The following GADL1 variants were observed in gnomAD, a reference collection of about 807,000 sequenced individuals.
The protein encoded by GADL1 is GAD like acidic amino acid decarboxylase 1, also known as acidic amino acid decarboxylase GADL1.
A neutral mutation model predicts 69.5 loss-of-function variants in GADL1; 71 were observed. The observed-to-expected ratio is 1.02, with a 90% CI of 0.84 to 1.25. GADL1 has a LOEUF of 1.25. GADL1 is among the 50% of genes most tolerant of loss of function. The pLI, the probability that GADL1 is intolerant of heterozygous loss-of-function variation, is 0.00. For missense variants in GADL1, 737 were observed against 631.8 expected, an observed-to-expected ratio of 1.17 and a Z score of -1.79; for synonymous variants, 254 against 214.4, an observed-to-expected ratio of 1.18 and a Z score of -1.62.
intron 11 of GADL1, among the ~76,000 whole-genome samples, chr3:30,813,924 C>T (rs1238823100): frequency 1.3e-5 from 2 of 152,082 alleles, no homozygotes; most frequent in Admixed American, 6.5e-5. Flanking sequence ...TGCAGAAATG[C>T]GCTGAAATGA....
At chr3:30,818,960 C>T (rs539715502) in intron 11 of GADL1, among the ~76,000 whole-genome samples, 1 of 152,162 alleles carries the variant, frequency 6.6e-6, no homozygotes, top group South Asian at 2.1e-4. Context: ...TGTTCATGTT[C>T]AGTCAGTTTT....
In GADL1 at chr3:30,850,947, T is replaced by C. The variant is rs1009405823; in HGVS notation, c.429-6A>G. On this transcript the variant is annotated splice_region_variant and splice_polypyrimidine_tract_variant and intron_variant, in intron 4 of 14. Coordinates refer to ENST00000282538, the MANE Select transcript of GADL1 (RefSeq NM_207359.3). ...GGGACACCTCATACGTATAACTAGA[T>C]AGATATAAAAAACACTTCACTTCTA... The C allele has an allele frequency of 4.7e-6, 7 of 1,484,252 alleles. No homozygotes were observed. Among genetic ancestry groups the C allele is most frequent in the Admixed American group, 4.0e-5 (2 of 50,304 alleles). 91.9% of individuals were successfully genotyped at this position (1,484,252 alleles called of 1,614,324 possible). A position where few individuals can be genotyped will look rare whatever the true frequency, so the allele number is the denominator to read the frequency against.
At chr3:30,818,748 T>A (rs1697519040) in intron 11 of GADL1, among the ~76,000 whole-genome samples, 1 of 152,200 alleles carries the variant, frequency 6.6e-6, no homozygotes, top group Non-Finnish European at 1.5e-5. Flanking sequence ...TTACTGAATC[T>A]GGCAACCCTA....
chr3:30,844,956 T>TTA (rs1256032059), intron 6 of GADL1, among the ~76,000 whole-genome samples: 52 of 152,182 alleles, frequency 3.4e-4, no homozygotes, highest in African/African-American at 1.2e-3. Context: ...AGTCCACTGC[T>TTA]GACTTGAAAC....
chr3:30,766,408 T>C (rs1431046082), intron 14 of GADL1, among the ~76,000 whole-genome samples: 1 of 152,112 alleles, frequency 6.6e-6, no homozygotes, highest in Non-Finnish European at 1.5e-5. Context: ...ATCTTGAAAT[T>C]TTTAGTAGTT....
chr3:30,748,013 C>G (rs1399747201), intron 14 of GADL1, among the ~76,000 whole-genome samples: 1 of 152,176 alleles, frequency 6.6e-6, no homozygotes, highest in East Asian at 1.9e-4. Context: ...TTTACAAGTA[C>G]AGCCTACAAA....
chr3:30,735,701 C>T (rs115478213), intron 14 of GADL1, among the ~76,000 whole-genome samples: 217 of 152,170 alleles, frequency 1.4e-3, no homozygotes, highest in African/African-American at 4.8e-3. Flanking sequence ...TGTGTCATGG[C>T]GGTGGGTATA....
At chr3:30,817,589 C>T (rs1205487722) in intron 11 of GADL1, among the ~76,000 whole-genome samples, 3 of 152,106 alleles carry the variant, frequency 2.0e-5, no homozygotes, top group Non-Finnish European at 4.4e-5. Flanking sequence ...ACAATCTTTT[C>T]CTTATTACAT....
At chr3:30,856,887 T>C (rs1394567086) in intron 3 of GADL1, 128 bp downstream of exon 3, 4 of 725,666 alleles carry the variant, frequency 5.5e-6, no homozygotes, top group Non-Finnish European at 8.8e-6. Flanking sequence ...TGCAAAAACA[T>C]CAGAACTACT....
chr3:30,770,246 T>C (rs535591427), intron 14 of GADL1, among the ~76,000 whole-genome samples: 2 of 152,322 alleles, frequency 1.3e-5, no homozygotes, highest in South Asian at 4.1e-4. Flanking sequence ...GTAAACCAAA[T>C]AAAATCAGAG....
intron 14 of GADL1, among the ~76,000 whole-genome samples, chr3:30,772,154 A>G (rs1696431923): frequency 7.2e-6 from 1 of 139,184 alleles, no homozygotes; most frequent in South Asian, 2.2e-4. Context: ...ATCACCAAAC[A>G]ATAAAACAAA....
intron 12 of GADL1, among the ~76,000 whole-genome samples, chr3:30,792,729 C>T (rs1696949857): frequency 6.6e-6 from 1 of 152,146 alleles, no homozygotes; most frequent in Non-Finnish European, 1.5e-5. Context: ...GCTACAGCTC[C>T]ATATGTCCCA....
intron 11 of GADL1, among the ~76,000 whole-genome samples, chr3:30,811,800 G>GT (rs11326910): frequency 1.4e-4 from 22 of 151,940 alleles, no homozygotes; most frequent in Non-Finnish European, 2.1e-4. Context: ...GAATCATATG[G>GT]TTTTTTTTCC....
rs775330618 is a variant in GADL1, at chr3:30,767,488, TAA to T, written c.1392+10689_1392+10690del. Among the ~76,000 whole-genome samples, 10 of 152,234 alleles carry T rather than the reference TAA, an allele frequency of 6.6e-5. No individual in the cohort carries two copies. In the Middle Eastern group the frequency reaches 0.014, roughly 207 times the overall value. The stretch of plus-strand genomic sequence containing the variant: ...AAAATTGTAACATAAGACCCCATAA[TAA>T]AGTGTTAGGAGGAATTAATTAGAAA... On this transcript the variant is annotated intron_variant, in intron 14 of 14. Transcript: ENST00000282538.
intron 3 of GADL1, 34 bp downstream of exon 3, chr3:30,856,981 G>A: frequency 6.6e-7 from 1 of 1,523,418 alleles, no homozygotes; most frequent in Non-Finnish European, 8.9e-7. Context: ...ACTTGTCAGA[G>A]GTACAGATCA....
At chr3:30,793,079 G>A (rs1696955865) in intron 12 of GADL1, among the ~76,000 whole-genome samples, 2 of 152,072 alleles carry the variant, frequency 1.3e-5, no homozygotes, top group South Asian at 4.1e-4. Flanking sequence ...GAATCTCTAG[G>A]AGAGGAATAA....
At chr3:30,756,079 T>G (rs2125481674) in intron 14 of GADL1, among the ~76,000 whole-genome samples, 1 of 152,298 alleles carries the variant, frequency 6.6e-6, no homozygotes, top group Non-Finnish European at 1.5e-5. Flanking sequence ...GTTTCACAAA[T>G]GTTTTGGCAG....
intron 14 of GADL1, among the ~76,000 whole-genome samples, chr3:30,744,792 T>A (rs1433489071): frequency 6.6e-6 from 1 of 152,204 alleles, no homozygotes; most frequent in Non-Finnish European, 1.5e-5. Flanking sequence ...CCACTCAGGT[T>A]GTAAGTGAAA....
intron 14 of GADL1, among the ~76,000 whole-genome samples, chr3:30,761,294 TCCTCAA>T (rs1696124856): frequency 2.0e-5 from 1 of 50,594 alleles, no homozygotes; most frequent in South Asian, 5.6e-4. Context: ...CTCTCAGAGC[TCCTCAA>T]CAAGCTAAGC....
Sources: allele counts gnomAD v4.1 joint callset (sites outside exome capture counted in the v4.1 genomes callset), GRCh38; gene constraint gnomAD v4.1.1; transcripts MANE v1.5; gene names NCBI Gene and HGNC (gene_info 2026-07-23, HGNC 2026-07-21).